The following PCBP3 variants were observed in gnomAD, a reference collection of about 807,000 sequenced individuals.
PCBP3 encodes poly(rC)-binding protein 3.
PCBP3 carries 25 observed loss-of-function variants against 52.7 expected under a neutral mutation model. That is an observed-to-expected ratio of 0.47 (90% confidence interval 0.35 to 0.66). PCBP3 has a LOEUF of 0.66. Among genes scored for constraint, PCBP3 ranks in the 30% least tolerant of loss-of-function variants. PCBP3 has a pLI of 0.01. For synonymous variants in PCBP3, 162 were observed against 183.0 expected (o/e 0.89, Z 0.93); for missense variants, 391 against 490.3 (o/e 0.80, Z 1.91).
At chr21:45,660,539 T>C (rs981711407) in intron 1 of PCBP3, among the ~76,000 whole-genome samples, 2 of 152,234 alleles carry the variant, frequency 1.3e-5, no homozygotes, top group Non-Finnish European at 2.9e-5. Context: ...GAATTTTCTA[T>C]TACTCCATTA....
At chr21:45,753,127 CAAAAAAAAAAAAA>C (rs55924687) in intron 3 of PCBP3, 22 of 44,790 alleles carry the variant, frequency 4.9e-4, no homozygotes, top group South Asian at 1.4e-3. Context: ...ACCCCGTCTC[CAAAAAAAAAAAAA>C]AAAAAAAAAA....
intron 4 of PCBP3, among the ~76,000 whole-genome samples, chr21:45,808,429 C>T (rs553124969): frequency 6.6e-5 from 10 of 152,196 alleles, no homozygotes; most frequent in Admixed American, 3.9e-4. Flanking sequence ...GGCCAAAAAA[C>T]GTGAAAAAAA....
chr21:45,663,491 G>T (rs985576104), intron 1 of PCBP3, among the ~76,000 whole-genome samples: 3 of 151,812 alleles, frequency 2.0e-5, no homozygotes, highest in Admixed American at 6.6e-5. Flanking sequence ...ATCTTTCCTA[G>T]GTTTTCTGGA....
chr21:45,666,988 TGGGA>T (rs988515835), intron 1 of PCBP3, among the ~76,000 whole-genome samples: 1 of 152,162 alleles, frequency 6.6e-6, no homozygotes, highest in African/African-American at 2.4e-5. Context: ...CCATCAGATC[TGGGA>T]GGTTTTCAAT....
intron 2 of PCBP3, among the ~76,000 whole-genome samples, chr21:45,683,562 A>G (rs1201295791): frequency 6.6e-6 from 1 of 152,218 alleles, no homozygotes; most frequent in Non-Finnish European, 1.5e-5. Flanking sequence ...CAGATTCTCT[A>G]CAAAGTCAGG....
At chr21:45,867,401 C>T (rs535768223) in intron 5 of PCBP3, among the ~76,000 whole-genome samples, 18 of 152,362 alleles carry the variant, frequency 1.2e-4, no homozygotes, top group Middle Eastern at 3.4e-3. Flanking sequence ...ATGGTAGTCA[C>T]CAGCATACAG....
At chr21:45,753,661 T>C (rs1457984773) in intron 3 of PCBP3, among the ~76,000 whole-genome samples, 1 of 152,214 alleles carries the variant, frequency 6.6e-6, no homozygotes. Context: ...ATGACTGTTT[T>C]ACTCATTAGT....
chr21:45,721,899 C>T (rs2084673447), intron 2 of PCBP3, among the ~76,000 whole-genome samples: 1 of 152,188 alleles, frequency 6.6e-6, no homozygotes, highest in African/African-American at 2.4e-5. Context: ...CTTTGCGTGT[C>T]TCAGAGGACT....
chr21:45,684,562 A>G (rs1031097102), intron 2 of PCBP3, among the ~76,000 whole-genome samples: 2 of 152,140 alleles, frequency 1.3e-5, no homozygotes, highest in African/African-American at 4.8e-5. Context: ...AATTCACATG[A>G]TAACTGTTTA....
At chr21:45,701,116 T>G (rs2083098698) in intron 2 of PCBP3, among the ~76,000 whole-genome samples, 4 of 152,208 alleles carry the variant, frequency 2.6e-5, no homozygotes, top group African/African-American at 7.2e-5. Flanking sequence ...CTAAAATTAT[T>G]TACAATATTA....
chr21:45,691,436 TC>T (rs1169069698), intron 2 of PCBP3, among the ~76,000 whole-genome samples: 183 of 116,742 alleles, frequency 1.6e-3, no homozygotes, highest in African/African-American at 6.8e-3. Flanking sequence ...AATATATATA[TC>T]ATATATATGT....
At chr21:45,912,691 A>G (rs1384095426) in intron 11 of PCBP3, among the ~76,000 whole-genome samples, 1 of 152,188 alleles carries the variant, frequency 6.6e-6, no homozygotes, top group African/African-American at 2.4e-5. Flanking sequence ...GGTCAGGGTC[A>G]GCTGGGAGCT....
At chr21:45,834,137 G>A (rs1361732916) in intron 4 of PCBP3, among the ~76,000 whole-genome samples, 3 of 152,034 alleles carry the variant, frequency 2.0e-5, no homozygotes, top group Non-Finnish European at 4.4e-5. Context: ...ACGAGTCCAC[G>A]GGGCCCAGGA....
At chr21:45,828,571 C>T (rs890017789) in intron 4 of PCBP3, 1 of 152,286 alleles carries the variant, frequency 6.6e-6, no homozygotes, top group Non-Finnish European at 1.5e-5. Context: ...AGGAGCCTCC[C>T]CGCAGGCTGG....
intron 3 of PCBP3, among the ~76,000 whole-genome samples, chr21:45,746,032 A>G (rs28438591): frequency 0.66 from 71,460 of 107,580 alleles, 25,293 homozygotes; most frequent in African/African-American, 0.87. Context: ...TTGACGTAGC[A>G]CACACGGTGT....
intron 10 of PCBP3, 43 bp from the exon 11 acceptor site, chr21:45,910,859 C>A: frequency 1.3e-6 from 2 of 1,551,362 alleles, no homozygotes; most frequent in Non-Finnish European, 1.7e-6. Context: ...CTGCCCCATG[C>A]GCTGCTACCC....
chr21:45,909,250 C>T (rs2149224562), intron 9 of PCBP3, 105 bp from the exon 10 acceptor site: 1 of 1,224,496 alleles, frequency 8.2e-7, no homozygotes, highest in Non-Finnish European at 1.2e-6. Flanking sequence ...ATGACAGGGG[C>T]TCTGTGGGCT....
intron 2 of PCBP3, among the ~76,000 whole-genome samples, chr21:45,727,418 A>G (rs2085130510): frequency 6.6e-6 from 1 of 152,216 alleles, no homozygotes; most frequent in African/African-American, 2.4e-5. Flanking sequence ...GACTGTCATG[A>G]AGGAAGAAAG....
intron 2 of PCBP3, among the ~76,000 whole-genome samples, chr21:45,693,325 CAG>C (rs1383721177): frequency 6.6e-6 from 1 of 152,012 alleles, no homozygotes; most frequent in Non-Finnish European, 1.5e-5. Context: ...TGAAAGAAGA[CAG>C]ACATAAAAAG....
Sources: allele counts gnomAD v4.1 joint callset (sites outside exome capture counted in the v4.1 genomes callset), GRCh38; gene constraint gnomAD v4.1.1; transcripts MANE v1.5; gene names NCBI Gene and HGNC (gene_info 2026-07-23, HGNC 2026-07-21).